PSD3: variants seen among roughly 807,000 people sequenced by gnomAD.
The protein encoded by PSD3 is PH and SEC7 domain-containing protein 3.
PSD3 carries 49 observed loss-of-function variants against 105.5 expected under a neutral mutation model. The observed-to-expected ratio is 0.46, with a 90% CI of 0.37 to 0.59. The LOEUF (loss-of-function observed/expected upper bound fraction) is 0.59. PSD3 is among the 20% of genes least tolerant of loss of function. The pLI is 0.00. For synonymous variants in PSD3, 557 were observed against 457.8 expected (o/e 1.22, Z -2.77); for missense variants, 1,561 against 1,263.8 (o/e 1.24, Z -3.57).
chr8:19,028,288 C>T (rs866791399), intron 1 of PSD3, among the ~76,000 whole-genome samples: 2 of 110,606 alleles, frequency 1.8e-5, no homozygotes, highest in Admixed American at 8.7e-5. Context: ...ACCCCCCCCC[C>T]CCGGCCCACC....
At chr8:18,726,369 C>T (rs1275974892) in intron 9 of PSD3, among the ~76,000 whole-genome samples, 1 of 152,230 alleles carries the variant, frequency 6.6e-6, no homozygotes, top group Non-Finnish European at 1.5e-5. Flanking sequence ...TCGTCTTCCA[C>T]ATACAGAAAA....
At chr8:18,823,847 C>T (rs552304622) in intron 4 of PSD3, among the ~76,000 whole-genome samples, 11 of 151,778 alleles carry the variant, frequency 7.2e-5, no homozygotes, top group South Asian at 6.2e-4. Flanking sequence ...TTTCCTAATA[C>T]GCTGACAAGG....
At chr8:18,842,764 T>C (rs146727127) in intron 4 of PSD3, among the ~76,000 whole-genome samples, 1 of 152,018 alleles carries the variant, frequency 6.6e-6, no homozygotes, top group African/African-American at 2.4e-5. Context: ...TTTACTAGTA[T>C]ACAGACTATT....
intron 1 of PSD3, among the ~76,000 whole-genome samples, chr8:19,056,518 T>C (rs969844482): frequency 2.6e-5 from 4 of 152,252 alleles, no homozygotes; most frequent in Non-Finnish European, 2.9e-5. Context: ...AAGATATGTC[T>C]AAGTTGAAAT....
chr8:18,781,660 G>A (rs982762231), intron 8 of PSD3, among the ~76,000 whole-genome samples: 9 of 152,074 alleles, frequency 5.9e-5, no homozygotes, highest in African/African-American at 1.9e-4. Flanking sequence ...TTAACAGTTC[G>A]ACTATGAAGT....
intron 1 of PSD3, among the ~76,000 whole-genome samples, chr8:18,988,790 G>C (rs1213477544): frequency 6.6e-6 from 1 of 152,182 alleles, no homozygotes; most frequent in East Asian, 1.9e-4. Context: ...GCAAATAAGA[G>C]CAGGGAAAAT....
rs113379249 is a variant in PSD3 at position 18,765,295 on chromosome 8, G to T, written c.2172+154C>A. 3.9e-5 allele frequency among the ~76,000 whole-genome samples: 6 copies of T among 152,188 alleles called. 1 individual carries two copies. The highest frequency in any genetic ancestry group is 1.4e-4 in the African/African-American group (6 of 41,532). On this transcript the variant is annotated intron_variant, in intron 9 of 15. Coordinates refer to ENST00000327040, the MANE Select transcript of PSD3 (RefSeq NM_015310.4). ...ATCAACTTAAGGTACTTTGCAGCAC[G>T]AAAAATCAAGGACAAGGCTTAAAAG...
chr8:18,725,634 G>T (rs1460147157), intron 9 of PSD3, among the ~76,000 whole-genome samples: 1 of 152,150 alleles, frequency 6.6e-6, no homozygotes, highest in East Asian at 1.9e-4. Context: ...GGGACAGGAA[G>T]AAGAAGACCC....
chr8:18,554,009 C>T (rs1427373402), intron 15 of PSD3, among the ~76,000 whole-genome samples: 1 of 152,010 alleles, frequency 6.6e-6, no homozygotes, highest in South Asian at 2.1e-4. Flanking sequence ...AAAACTTGGT[C>T]TAACTTCATG....
At chr8:18,748,118 G>A (rs1805174536) in intron 9 of PSD3, among the ~76,000 whole-genome samples, 1 of 151,998 alleles carries the variant, frequency 6.6e-6, no homozygotes, top group African/African-American at 2.4e-5. Flanking sequence ...TGCAGCATGT[G>A]AAAAAAGGAC....
chr8:18,995,697 T>C (rs758381293), intron 1 of PSD3, among the ~76,000 whole-genome samples: 12 of 151,886 alleles, frequency 7.9e-5, no homozygotes, highest in Non-Finnish European at 1.3e-4. Flanking sequence ...CTCACAACCA[T>C]GGAGGAAAGC....
chr8:18,548,214 T>C (rs192860758), intron 15 of PSD3, among the ~76,000 whole-genome samples: 53 of 152,298 alleles, frequency 3.5e-4, no homozygotes, highest in African/African-American at 1.1e-3. Flanking sequence ...CCTGATTTCA[T>C]TGAGGAATCA....
chr8:19,072,779 C>T (rs374077696), intron 1 of PSD3, among the ~76,000 whole-genome samples: 2 of 152,176 alleles, frequency 1.3e-5, no homozygotes, highest in African/African-American at 4.8e-5. Context: ...ATATTCTGTG[C>T]TAGGCTCAAT....
chr8:18,607,456 G>C (rs1396250166), intron 11 of PSD3, among the ~76,000 whole-genome samples: 1 of 152,070 alleles, frequency 6.6e-6, no homozygotes, highest in Non-Finnish European at 1.5e-5. Context: ...TGGAACCTAT[G>C]ACCACCTTCC....
intron 9 of PSD3, among the ~76,000 whole-genome samples, chr8:18,753,700 A>G (rs1431195610): frequency 4.6e-5 from 7 of 152,180 alleles, no homozygotes; most frequent in Admixed American, 4.6e-4. Context: ...TTCTGATTGA[A>G]GGTAATTTCT....
chr8:18,816,454 G>A lies in PSD3; in HGVS notation c.1635-11556C>T, dbSNP rs138897648. 3.5e-3 allele frequency among the ~76,000 whole-genome samples: 533 copies of A among 152,222 alleles called. 2 individuals carry two copies. The highest frequency in any genetic ancestry group is 0.012 in the African/African-American group (494 of 41,518). On this transcript the variant is annotated intron_variant, in intron 4 of 15. Transcript: ENST00000327040. ...TAATAAGCTATGTGGCTTTCTAACC[G>A]ATATTACTACAGGTTATACTGCACG...
chr8:18,581,234 T>C (rs920020807), intron 12 of PSD3, among the ~76,000 whole-genome samples: 5 of 152,240 alleles, frequency 3.3e-5, no homozygotes, highest in Admixed American at 2.0e-4. Context: ...ATTCAATTCA[T>C]AGCACTTTCT....
At position 18,850,213 on chromosome 8, in the gene PSD3, A is replaced by C. The variant is rs115418582; in HGVS notation, c.1634+17461T>G. Among the ~76,000 whole-genome samples the C allele has an allele frequency of 3.3e-3, 506 of 152,350 alleles. 2 individuals carry two copies. The highest frequency in any genetic ancestry group is 0.012 in the African/African-American group (492 of 41,588). On this transcript the variant is annotated intron_variant, in intron 4 of 15. Coordinates refer to ENST00000327040, the MANE Select transcript of PSD3 (RefSeq NM_015310.4). ...GCAAACATCTCCCACATAGCCTGGC[A>C]AAGGCCCCTCCCCTGTCCCAAAGGG...
At chr8:18,612,666 G>A (rs1563377927) in intron 11 of PSD3, among the ~76,000 whole-genome samples, 1 of 152,118 alleles carries the variant, frequency 6.6e-6, no homozygotes, top group Non-Finnish European at 1.5e-5. Flanking sequence ...CACCGCACAC[G>A]GCCTACTGAT....
Sources: gnomAD v4.1 joint callset for allele counts (sites outside exome capture counted in the v4.1 genomes callset) on GRCh38, gnomAD v4.1.1 for gene constraint, MANE v1.5 for transcripts, NCBI Gene and HGNC (gene_info 2026-07-23, HGNC 2026-07-21) for gene names.